SCUBE2: variants seen among roughly 807,000 people sequenced by gnomAD.
SCUBE2 encodes signal peptide, CUB domain and EGF like domain containing 2, also known as signal peptide, CUB and EGF-like domain-containing protein 2.
A neutral mutation model predicts 125.9 loss-of-function variants in SCUBE2; 114 were observed. The observed-to-expected ratio is 0.91, with a 90% CI of 0.78 to 1.06. The LOEUF (loss-of-function observed/expected upper bound fraction) is 1.06. Ranked by LOEUF, SCUBE2 falls within the 50% of genes least tolerant of loss-of-function variation. SCUBE2 has a pLI of 0.00. For missense variants in SCUBE2, 1,255 were observed against 1,301.8 expected, an observed-to-expected ratio of 0.96 and a Z score of 0.55; for synonymous variants, 459 against 492.9, an observed-to-expected ratio of 0.93 and a Z score of 0.91.
Position 9,027,350 on chromosome 11 carries a change from GGAGT to G in SCUBE2, c.2701+10_2701+13del. On this transcript the variant is annotated intron_variant, in intron 20 of 22. Transcript: ENST00000649792. ...CAGCTGGCCTGAGAAAGGGAGGGAG[GGAGT>G]GAGACGCACAGGTTTTCCGCATCAC... 4 of 1,613,078 alleles carry G rather than the reference GGAGT, an allele frequency of 2.5e-6. No homozygotes were observed. In the South Asian group the frequency reaches 4.4e-5, roughly 18 times the overall value.
At chr11:9,052,092 G>T (rs566285996) in intron 13 of SCUBE2, among the ~76,000 whole-genome samples, 20 of 152,310 alleles carry the variant, frequency 1.3e-4, no homozygotes, top group Admixed American at 2.6e-4. Context: ...TCCTCAGAGG[G>T]TTGTAGTATG....
At chr11:9,055,930 G>A (rs1859036957) in intron 9 of SCUBE2, 21 bp from the exon 10 acceptor site, 2 of 1,600,980 alleles carry the variant, frequency 1.2e-6, no homozygotes, top group South Asian at 1.1e-5. Context: ...CAAAGGGAGA[G>A]GGGAGCTGAA....
chr11:9,078,674 C>T (rs145746603), intron 3 of SCUBE2, among the ~76,000 whole-genome samples: 283 of 152,278 alleles, frequency 1.9e-3, no homozygotes, highest in African/African-American at 6.5e-3. Flanking sequence ...GACGCTGATG[C>T]CATATTTTCC....
chr11:9,027,597 C>G (rs1855900028), intron 19 of SCUBE2, 36 bp from the exon 20 acceptor site: 1 of 1,571,036 alleles, frequency 6.4e-7, no homozygotes. Context: ...TGGCACGACA[C>G]TGTCATCTCT....
rs1862445940 is a variant in SCUBE2, at chr11:9,089,643, C to T, written c.256+64G>A. Reference sequence around the variant, plus strand: ...GTACTTTTACCAACATAAGTGGCCACTGCAAGAGCTAAGGAGGTAGGAGCT... The same window carrying T: ...GTACTTTTACCAACATAAGTGGCCATTGCAAGAGCTAAGGAGGTAGGAGCT... On this transcript the variant is annotated intron_variant, in intron 2 of 22. Coordinates refer to ENST00000649792, the MANE Select transcript of SCUBE2 (RefSeq NM_001367977.2). The T allele has an allele frequency of 5.7e-6, 9 of 1,577,256 alleles. No homozygotes were observed. In the South Asian group the frequency reaches 1.1e-4, roughly 19 times the overall value.
chr11:9,084,691 C>T (rs1861916365), intron 2 of SCUBE2, among the ~76,000 whole-genome samples: 1 of 152,138 alleles, frequency 6.6e-6, no homozygotes, highest in African/African-American at 2.4e-5. Flanking sequence ...AGCAGCCTGG[C>T]CAAAAACTCA....
intron 13 of SCUBE2, among the ~76,000 whole-genome samples, chr11:9,052,478 G>C (rs1034165833): frequency 6.6e-6 from 1 of 152,222 alleles, no homozygotes; most frequent in Admixed American, 6.5e-5. Flanking sequence ...CTGGTCCTGG[G>C]GTTCTGTGGG....
intron 4 of SCUBE2, among the ~76,000 whole-genome samples, chr11:9,072,909 C>A (rs1011787236): frequency 1.3e-5 from 2 of 152,056 alleles, no homozygotes; most frequent in African/African-American, 2.4e-5. Context: ...CTAATCAGTC[C>A]GGGGGCTTGC....
rs752473868 is a variant in SCUBE2, at chr11:9,074,588, C to T, written c.410G>A (p.Gly137Asp). The change falls in exon 4 of 23, where the codon GGC becomes GAC. Residue 137 changes from glycine (G) to aspartate (D), a missense_variant. Gly to Asp is a moderately conservative substitution (Grantham distance 94). This residue lies in a region of SCUBE2 where 362 missense variants were observed against 323.0 expected (regional missense o/e 1.12). Coordinates refer to ENST00000649792, the MANE Select transcript of SCUBE2 (RefSeq NM_001367977.2). Reference protein sequence around the residue: ...LDVDECLENNGGCQHTCVNVM... With the variant: ...LDVDECLENNDGCQHTCVNVM... ...GTTGACACAGGTATGCTGGCAGCCGCCATTGTTCTCCAGGCACTCGTCCAC... is the reference window on the plus strand; with the variant it reads ...GTTGACACAGGTATGCTGGCAGCCGTCATTGTTCTCCAGGCACTCGTCCAC... 37 of 1,614,100 alleles carry T rather than the reference C, an allele frequency of 2.3e-5. No homozygotes were observed. In the Admixed American group the frequency reaches 6.0e-4, roughly 26 times the overall value.
chr11:9,060,957 C>T lies in SCUBE2; in HGVS notation c.851-433G>A, dbSNP rs11042166. Among the ~76,000 whole-genome samples, 24 of 152,284 alleles carry T rather than the reference C, an allele frequency of 1.6e-4. No individual in the cohort carries two copies. In the East Asian group the frequency reaches 4.1e-3, roughly 26 times the overall value. On this transcript the variant is annotated intron_variant, in intron 7 of 22. Coordinates refer to ENST00000649792, the MANE Select transcript of SCUBE2 (RefSeq NM_001367977.2). ...CAAAGCAAGAGTGGGTAAGCATCGC[C>T]GCCCCAACCACTGCCTTGTTGTAGA... is the stretch of plus-strand genomic sequence containing the variant.
intron 3 of SCUBE2, among the ~76,000 whole-genome samples, chr11:9,075,468 A>G (rs1433499048): frequency 2.6e-5 from 4 of 152,200 alleles, no homozygotes; most frequent in Non-Finnish European, 5.9e-5. Context: ...CATGAAGAAC[A>G]TTCAGATACC....
At chr11:9,061,918 A>G (rs1859724358) in intron 7 of SCUBE2, among the ~76,000 whole-genome samples, 1 of 152,214 alleles carries the variant, frequency 6.6e-6, no homozygotes, top group South Asian at 2.1e-4. Context: ...GTTATTCTAG[A>G]GGCAGAAATG....
chr11:9,069,614 C>T (rs1162762230), intron 4 of SCUBE2, 119 bp from the exon 5 acceptor site: 61 of 1,306,182 alleles, frequency 4.7e-5, no homozygotes, highest in Non-Finnish European at 6.3e-5. Flanking sequence ...TCCATCAGCC[C>T]CACATTTGAA....
chr11:9,024,950 G>C (rs1855600211), intron 21 of SCUBE2, among the ~76,000 whole-genome samples: 1 of 152,196 alleles, frequency 6.6e-6, no homozygotes, highest in Admixed American at 6.5e-5. Context: ...CATAGTAGAT[G>C]CTCATTAAAT....
chr11:9,046,213 C>T (rs936860647), intron 16 of SCUBE2, among the ~76,000 whole-genome samples: 15 of 151,654 alleles, frequency 9.9e-5, no homozygotes, highest in Admixed American at 2.0e-4. Flanking sequence ...TTTCACCATG[C>T]TGGCCAGGAT....
chr11:9,047,636 A>G, intron 15 of SCUBE2, 74 bp from the exon 16 acceptor site: 2 of 1,431,274 alleles, frequency 1.4e-6, no homozygotes, highest in Non-Finnish European at 9.7e-7. Flanking sequence ...GATCAACTGC[A>G]GGCCCTACCA....
chr11:9,055,678 A>G, intron 10 of SCUBE2, 115 bp downstream of exon 10: 1 of 746,746 alleles, frequency 1.3e-6, no homozygotes, highest in South Asian at 1.6e-5. Flanking sequence ...TTGCTCAGGG[A>G]CTGCAATGTA....
In SCUBE2 at chr11:9,079,368, C is replaced by T; in HGVS notation, c.382+16G>A. ...GAGAGTGAAGGAGAATTGCCATTTC[C>T]AAATGCCTTCCTTACCAAGACAATT... On this transcript the variant is annotated intron_variant, in intron 3 of 22. Transcript: ENST00000649792. The T allele has an allele frequency of 6.2e-7, 1 of 1,613,562 alleles. No homozygotes were observed. The highest frequency in any genetic ancestry group is 1.3e-5 in the African/African-American group (1 of 75,020).
At chr11:9,054,715 ATATATATATATTTTTTTTTTTTT>A (rs1339087525) in intron 10 of SCUBE2, among the ~76,000 whole-genome samples, 2 of 67,582 alleles carry the variant, frequency 3.0e-5, no homozygotes, top group Non-Finnish European at 5.6e-5. Flanking sequence ...ATATATATAT[ATATATATATATTTTTTTTTTTTT>A]TTTTTTTTTT....
Sources: gnomAD v4.1 joint callset for allele counts (sites outside exome capture counted in the v4.1 genomes callset) on GRCh38, gnomAD v4.1.1 for gene constraint, gnomAD v4.1.1 regional missense constraint, MANE v1.5 for transcripts, NCBI Gene and HGNC (gene_info 2026-07-23, HGNC 2026-07-21) for gene names.